Variants in LIPK observed in about 807,000 individuals in gnomAD.
LIPK encodes the protein lipase family member K, also known as lipase member K.
In LIPK, 32 loss-of-function variants were observed where a neutral mutation model predicts 48.6. That is an observed-to-expected ratio of 0.66 (90% CI 0.50 to 0.88). LIPK has a LOEUF of 0.88. Ranked by LOEUF, LIPK falls within the 40% of genes least tolerant of loss-of-function variation. The pLI is 0.00. For missense variants in LIPK, 507 were observed against 478.5 expected, an observed-to-expected ratio of 1.06 and a Z score of -0.56; for synonymous variants, 164 against 157.4, an observed-to-expected ratio of 1.04 and a Z score of -0.32.
At chr10:88,742,531 G>A (rs1419039341) in intron 8 of LIPK, among the ~76,000 whole-genome samples, 3 of 152,160 alleles carry the variant, frequency 2.0e-5, no homozygotes. Context: ...ATCCTATATG[G>A]GTGGCAAATA....
At chr10:88,722,551 G>A (rs1017870681) in intron 1 of LIPK, among the ~76,000 whole-genome samples, 4 of 152,148 alleles carry the variant, frequency 2.6e-5, no homozygotes, top group African/African-American at 9.7e-5. Flanking sequence ...GCGGTGGTGA[G>A]GTCTAAGGGT....
In LIPK at chr10:88,743,552, G is replaced by A. The variant is rs367919820; in HGVS notation, c.960+231G>A. ...CCTATTTTTTTCAGAGGTTCAGAGA[G>A]GGTAGGTAAATTACCAGAGTTATTC... is the stretch of plus-strand genomic sequence containing the variant. On this transcript the variant is annotated intron_variant, in intron 9 of 9. Coordinates refer to ENST00000404190, the MANE Select transcript of LIPK (RefSeq NM_001080518.2). Among the ~76,000 whole-genome samples the A allele has an allele frequency of 1.9e-4, 29 of 149,028 alleles. No homozygotes were observed. Among genetic ancestry groups the A allele is most frequent in the African/African-American group, 6.9e-4 (28 of 40,618 alleles).
rs1164605775 is a variant in LIPK, at chr10:88,752,737, A to T, written c.1181A>T (p.Glu394Val). The change falls in exon 10 of 10, where the codon GAA becomes GTA. Residue 394 changes from glutamate (E) to valine (V), a missense_variant. Coordinates refer to ENST00000404190, the MANE Select transcript of LIPK (RefSeq NM_001080518.2). ...EIYQDLIILMEEYLQN is the reference protein window; with the variant it reads ...EIYQDLIILMVEYLQN ...TACCAAGACCTAATTATATTGATGG[A>T]AGAATATTTACAAAATTAAATGCAC... The T allele has an allele frequency of 6.5e-7, 1 of 1,549,832 alleles. No individual in the cohort carries two copies.
At chr10:88,730,953 T>C (rs759393583) in intron 3 of LIPK, 30 bp from the exon 4 acceptor site, 1 of 1,516,158 alleles carries the variant, frequency 6.6e-7, no homozygotes, top group Non-Finnish European at 8.8e-7. Flanking sequence ...AAAGTTCAAA[T>C]ATGAAATTCT....
chr10:88,748,215 G>A (rs574439313), intron 9 of LIPK, among the ~76,000 whole-genome samples: 4 of 152,212 alleles, frequency 2.6e-5, no homozygotes, highest in African/African-American at 9.6e-5. Flanking sequence ...GTTGAACAAT[G>A]AGAACACATG....
At chr10:88,747,064 G>A (rs1171416491) in intron 9 of LIPK, among the ~76,000 whole-genome samples, 1 of 152,028 alleles carries the variant, frequency 6.6e-6, no homozygotes, top group Non-Finnish European at 1.5e-5. Context: ...GATTAAATCA[G>A]GAAGCAATTG....
chr10:88,712,618 A>G (rs1449610509), intron 1 of LIPK, among the ~76,000 whole-genome samples: 1 of 151,962 alleles, frequency 6.6e-6, no homozygotes, highest in Non-Finnish European at 1.5e-5. Context: ...CAGGCTCCAT[A>G]CTCTGAATCA....
intron 1 of LIPK, among the ~76,000 whole-genome samples, chr10:88,717,689 AT>A (rs1443124329): frequency 6.6e-6 from 1 of 152,222 alleles, no homozygotes; most frequent in Non-Finnish European, 1.5e-5. Flanking sequence ...ACAGACAAAA[AT>A]AAGCTGAATG....
chr10:88,740,816 C>A (rs1006914902), intron 8 of LIPK, among the ~76,000 whole-genome samples: 9 of 152,146 alleles, frequency 5.9e-5, no homozygotes, highest in Non-Finnish European at 1.2e-4. Flanking sequence ...AGACCCCCCC[C>A]CAACCAGGAA....
At chr10:88,714,720 T>C (rs1374286115) in intron 1 of LIPK, among the ~76,000 whole-genome samples, 1 of 152,176 alleles carries the variant, frequency 6.6e-6, no homozygotes, top group Non-Finnish European at 1.5e-5. Flanking sequence ...GTTAATGATA[T>C]GTACTATTTT....
intron 6 of LIPK, among the ~76,000 whole-genome samples, chr10:88,736,957 T>C (rs1008066882): frequency 2.0e-5 from 3 of 152,228 alleles, no homozygotes; most frequent in Non-Finnish European, 2.9e-5. Flanking sequence ...TTTACCTTTA[T>C]ATCTAGTTTA....
rs187415145 is a variant in LIPK at position 88,738,332 on chromosome 10, G to A, written c.816+551G>A. Among the ~76,000 whole-genome samples the A allele has an allele frequency of 1.4e-3, 208 of 152,266 alleles. 1 individual carries two copies. Among genetic ancestry groups the A allele is most frequent in the African/African-American group, 4.5e-3 (189 of 41,546 alleles). The stretch of plus-strand genomic sequence containing the variant: ...TGAGATCCTTTCCATGATGACCCAA[G>A]GAGTTGGGGAAGGGAGGAGGGAAAG... On this transcript the variant is annotated intron_variant, in intron 7 of 9. Coordinates refer to ENST00000404190, the MANE Select transcript of LIPK (RefSeq NM_001080518.2).
At chr10:88,751,683 A>G (rs1273478907) in intron 9 of LIPK, among the ~76,000 whole-genome samples, 1 of 152,168 alleles carries the variant, frequency 6.6e-6, no homozygotes, top group Non-Finnish European at 1.5e-5. Flanking sequence ...GGGTGGGGAT[A>G]TGCCACACAC....
rs1226859177 is a variant in LIPK at position 88,732,168 on chromosome 10, T to G, written c.423-10T>G. 2 of 1,583,338 alleles carry G rather than the reference T, an allele frequency of 1.3e-6. No individual in the cohort carries two copies. The highest frequency in any genetic ancestry group is 3.5e-5 in the Admixed American group (2 of 57,336). On this transcript the variant is annotated splice_polypyrimidine_tract_variant and intron_variant, in intron 4 of 9. Coordinates refer to ENST00000404190, the MANE Select transcript of LIPK (RefSeq NM_001080518.2). ...GACTTTTCTAATTTGTTATTCCTTC[T>G]TTTTGATAGTTTGGATGAGATGGCT...
At position 88,731,090 on chromosome 10, in the gene LIPK, T is replaced by C. The variant is rs762762240; in HGVS notation, c.331T>C (p.Tyr111His). 1.9e-6 allele frequency: 3 copies of C among 1,607,154 alleles called. No individual in the cohort carries two copies. In the African/African-American group the frequency reaches 4.0e-5, roughly 21 times the overall value. The change falls in exon 4 of 10, where the codon TAT becomes CAT. Residue 111 changes from tyrosine (Y) to histidine (H), a missense_variant. By Grantham distance (83) the Tyr-to-His change is moderately conservative. Coordinates refer to ENST00000404190, the MANE Select transcript of LIPK (RefSeq NM_001080518.2). Reference sequence around the variant, plus strand: ...GGCTTTCCTTCTGGCAGATAGTGGTTATGACGTGTGGTTGGGGAACAGCCG... The same window carrying C: ...GGCTTTCCTTCTGGCAGATAGTGGTCATGACGTGTGGTTGGGGAACAGCCG... Reference protein sequence around the residue: ...SLAFLLADSGYDVWLGNSRGN... With the variant: ...SLAFLLADSGHDVWLGNSRGN...
At chr10:88,736,401 T>A (rs750375595) in intron 6 of LIPK, among the ~76,000 whole-genome samples, 1 of 152,212 alleles carries the variant, frequency 6.6e-6, no homozygotes, top group Non-Finnish European at 1.5e-5. Context: ...ACTTGCCAAA[T>A]TGTAATTCTT....
chr10:88,718,346 T>G (rs951434390), intron 1 of LIPK, among the ~76,000 whole-genome samples: 3 of 148,504 alleles, frequency 2.0e-5, no homozygotes, highest in Non-Finnish European at 3.0e-5. Flanking sequence ...GGATGAAAAT[T>G]TTATATATAT....
intron 2 of LIPK, among the ~76,000 whole-genome samples, 193 bp from the exon 3 acceptor site, chr10:88,726,602 G>A (rs1217757774): frequency 1.3e-5 from 2 of 152,296 alleles, no homozygotes; most frequent in Admixed American, 6.5e-5. Flanking sequence ...ACTGAGGTGG[G>A]AGGATAGCTT....
intron 4 of LIPK, among the ~76,000 whole-genome samples, chr10:88,731,404 C>T (rs573007007): frequency 3.5e-4 from 53 of 152,016 alleles, no homozygotes; most frequent in African/African-American, 8.9e-4. Context: ...CTGGTGTCTG[C>T]GTGTGAGTGA....
Sources: gnomAD v4.1 joint callset for allele counts (sites outside exome capture counted in the v4.1 genomes callset) on GRCh38, gnomAD v4.1.1 for gene constraint, MANE v1.5 for transcripts, NCBI Gene and HGNC (gene_info 2026-07-23, HGNC 2026-07-21) for gene names.